The following PAX5 variants were observed in gnomAD, a reference collection of about 807,000 sequenced individuals.
The protein encoded by PAX5 is paired box protein Pax-5.
Under a neutral mutation model 43.7 loss-of-function variants are expected in PAX5, and 9 were observed. The ratio of observed to expected loss-of-function variants is 0.21; its 90% confidence interval spans 0.12 to 0.36. PAX5 has a LOEUF of 0.36. Among genes scored for constraint, PAX5 ranks in the 10% least tolerant of loss-of-function variants. PAX5 has a pLI of 1.00. For synonymous variants in PAX5, 228 were observed against 214.3 expected (o/e 1.06, Z -0.56); for missense variants, 383 against 532.7 (o/e 0.72, Z 2.77).
At chr9:36,973,886 G>A (rs1398953654) in intron 5 of PAX5, among the ~76,000 whole-genome samples, 1 of 152,212 alleles carries the variant, frequency 6.6e-6, no homozygotes, top group Non-Finnish European at 1.5e-5. Flanking sequence ...CATGCCTGCA[G>A]CTACTCGGGA....
At chr9:36,893,020 G>A (rs1827536030) in intron 7 of PAX5, among the ~76,000 whole-genome samples, 1 of 152,220 alleles carries the variant, frequency 6.6e-6, no homozygotes, top group Non-Finnish European at 1.5e-5. Context: ...TAGGTTGGGA[G>A]TGGGAGATTT....
chr9:36,982,523 G>T (rs1007673947), intron 5 of PAX5, among the ~76,000 whole-genome samples: 3 of 152,188 alleles, frequency 2.0e-5, no homozygotes, highest in African/African-American at 7.2e-5. Context: ...CTCAACTGCA[G>T]GCAATGAAAG....
chr9:36,913,762 A>G (rs1253992211), intron 7 of PAX5, among the ~76,000 whole-genome samples: 1 of 152,212 alleles, frequency 6.6e-6, no homozygotes, highest in Non-Finnish European at 1.5e-5. Context: ...AGAGCAGCGC[A>G]GAAGCCATCT....
intron 7 of PAX5, among the ~76,000 whole-genome samples, chr9:36,912,352 C>T (rs572362204): frequency 1.3e-5 from 2 of 152,316 alleles, no homozygotes; most frequent in South Asian, 4.2e-4. Context: ...CTAGTGCTGG[C>T]CCATTTTACA....
intron 7 of PAX5, among the ~76,000 whole-genome samples, chr9:36,907,618 C>T (rs1183843161): frequency 1.3e-5 from 2 of 152,180 alleles, no homozygotes; most frequent in Non-Finnish European, 1.5e-5. Flanking sequence ...CATGCTGGTT[C>T]GTCCAGTTCA....
At chr9:36,960,433 G>A (rs910871871) in intron 6 of PAX5, among the ~76,000 whole-genome samples, 2 of 152,244 alleles carry the variant, frequency 1.3e-5, no homozygotes, top group Non-Finnish European at 2.9e-5. Context: ...GCCACAGCCC[G>A]AGGGTCTTGT....
At chr9:36,954,246 C>T (rs992129293) in intron 6 of PAX5, among the ~76,000 whole-genome samples, 3 of 152,080 alleles carry the variant, frequency 2.0e-5, no homozygotes, top group African/African-American at 7.2e-5. Context: ...CAGATCTCAG[C>T]TGTAACTCTG....
chr9:36,934,536 T>C (rs1831389471), intron 6 of PAX5, among the ~76,000 whole-genome samples: 1 of 152,244 alleles, frequency 6.6e-6, no homozygotes, highest in East Asian at 1.9e-4. Flanking sequence ...CAACTGCATA[T>C]GAATCTACAG....
chr9:37,024,113 T>A (rs1279004426), intron 1 of PAX5, among the ~76,000 whole-genome samples: 1 of 152,328 alleles, frequency 6.6e-6, no homozygotes, highest in South Asian at 2.1e-4. Context: ...CTGACCTCAA[T>A]ATCATATTCT....
Position 36,953,095 on chromosome 9 carries a change from A to G in PAX5, c.780+13454T>C, listed in dbSNP as rs144493917. Among the ~76,000 whole-genome samples, 690 of 152,250 alleles carry G rather than the reference A, an allele frequency of 4.5e-3. 6 individuals carry two copies. The highest frequency in any genetic ancestry group is 0.016 in the African/African-American group (659 of 41,556). On this transcript the variant is annotated intron_variant, in intron 6 of 9. Coordinates refer to ENST00000358127, the MANE Select transcript of PAX5 (RefSeq NM_016734.3). Reference sequence around the variant, plus strand: ...TCTTTATTTTTTCCTTCACTTTTGAAGTATAATTCCCCATGATATAAAATT... The same window carrying G: ...TCTTTATTTTTTCCTTCACTTTTGAGGTATAATTCCCCATGATATAAAATT...
intron 6 of PAX5, among the ~76,000 whole-genome samples, chr9:36,945,843 A>G (rs1832454057): frequency 6.6e-6 from 1 of 151,888 alleles, no homozygotes; most frequent in South Asian, 2.1e-4. Context: ...TAAAATTAAA[A>G]TAAAGTCTCC....
intron 3 of PAX5, among the ~76,000 whole-genome samples, chr9:37,010,860 A>G (rs1019025822): frequency 6.6e-6 from 1 of 152,144 alleles, no homozygotes; most frequent in Non-Finnish European, 1.5e-5. Context: ...ACTGTTGTGG[A>G]GAAGAAAGAG....
intron 5 of PAX5, among the ~76,000 whole-genome samples, chr9:36,989,171 C>G (rs1225224662): frequency 6.6e-6 from 1 of 152,176 alleles, no homozygotes; most frequent in Non-Finnish European, 1.5e-5. Context: ...CCAAGGTCCC[C>G]CTGAGCTCAG....
intron 6 of PAX5, among the ~76,000 whole-genome samples, chr9:36,963,354 G>T (rs1834132303): frequency 6.6e-6 from 1 of 152,112 alleles, no homozygotes; most frequent in Non-Finnish European, 1.5e-5. Context: ...CTCTCCATGA[G>T]CCCATGGGAC....
Position 36,923,550 on chromosome 9 carries a change from C to T in PAX5, c.781-66G>A, listed in dbSNP as rs547415031. ...CAGTACCTTAGTCAAATGCCAACTCCACGTTCTGAGCTCAGCCACCAAGCT... is the reference window on the plus strand; with the variant it reads ...CAGTACCTTAGTCAAATGCCAACTCTACGTTCTGAGCTCAGCCACCAAGCT... On this transcript the variant is annotated intron_variant, in intron 6 of 9. Transcript: ENST00000358127. The T allele has an allele frequency of 1.8e-4, 284 of 1,542,642 alleles. No individual in the cohort carries two copies. The African/African-American group carries it at 3.3e-3, about 18-fold the overall frequency.
At chr9:36,895,256 C>T (rs1827760357) in intron 7 of PAX5, among the ~76,000 whole-genome samples, 1 of 152,230 alleles carries the variant, frequency 6.6e-6, no homozygotes, top group Non-Finnish European at 1.5e-5. Flanking sequence ...GTGTGTGCCG[C>T]CGAATCCGCC....
chr9:36,943,139 G>A (rs562441473), intron 6 of PAX5, among the ~76,000 whole-genome samples: 40 of 152,252 alleles, frequency 2.6e-4, no homozygotes, highest in African/African-American at 8.2e-4. Context: ...ATTGCTTCAC[G>A]TTCTTTTCTT....
At chr9:36,932,845 A>C (rs1304202083) in intron 6 of PAX5, among the ~76,000 whole-genome samples, 1 of 152,128 alleles carries the variant, frequency 6.6e-6, no homozygotes, top group African/African-American at 2.4e-5. Flanking sequence ...AAATTACTCC[A>C]AGTCTACTTT....
intron 7 of PAX5, among the ~76,000 whole-genome samples, chr9:36,884,300 C>T (rs954553340): frequency 2.6e-5 from 4 of 151,928 alleles, no homozygotes; most frequent in African/African-American, 9.7e-5. Context: ...ATACCATGAC[C>T]AAAAAAGTTT....
Sources: allele counts gnomAD v4.1 joint callset (sites outside exome capture counted in the v4.1 genomes callset), GRCh38; gene constraint gnomAD v4.1.1; transcripts MANE v1.5; gene names NCBI Gene and HGNC (gene_info 2026-07-23, HGNC 2026-07-21).